CD2AP: variants seen among roughly 807,000 people sequenced by gnomAD.
CD2AP encodes the protein CD2 associated protein.
CD2AP carries 46 observed loss-of-function variants against 85.1 expected under a neutral mutation model. The ratio of observed to expected loss-of-function variants is 0.54; its 90% CI spans 0.43 to 0.69. The LOEUF (loss-of-function observed/expected upper bound fraction) is 0.69, where lower values mean the gene tolerates loss of function less well. Ranked by LOEUF, CD2AP falls within the 30% of genes least tolerant of loss-of-function variation. The pLI is 0.00. For synonymous variants in CD2AP, 255 were observed against 252.9 expected, an observed-to-expected ratio of 1.01 and a Z score of -0.08; for missense variants, 769 against 729.5, an observed-to-expected ratio of 1.05 and a Z score of -0.62.
chr6:47,579,705 A>G, intron 9 of CD2AP: 1 of 506,450 alleles, frequency 2.0e-6, no homozygotes, highest in South Asian at 2.4e-5. Flanking sequence ...CTGTACTGAA[A>G]AATAACCTTA....
intron 2 of CD2AP, among the ~76,000 whole-genome samples, chr6:47,529,186 C>T (rs1203527368): frequency 1.3e-3 from 3 of 2,276 alleles, no homozygotes; most frequent in Admixed American, 4.9e-3. Context: ...TAGTACTGCC[C>T]CCCCCCCCCC....
At chr6:47,554,810 A>G (rs756960248) in intron 5 of CD2AP, 44 bp downstream of exon 5, 2 of 1,498,078 alleles carry the variant, frequency 1.3e-6, no homozygotes, top group African/African-American at 1.4e-5. Flanking sequence ...AATAAACTTT[A>G]TATAGCATCT....
chr6:47,487,749 A>G (rs1399175016), intron 1 of CD2AP, among the ~76,000 whole-genome samples: 1 of 152,212 alleles, frequency 6.6e-6, no homozygotes, highest in Non-Finnish European at 1.5e-5. Flanking sequence ...CTTAGTGTGT[A>G]AATGACCTTA....
Position 47,588,204 on chromosome 6 carries a change from T to C in CD2AP, c.1108+6139T>C, listed in dbSNP as rs138729205. Among the ~76,000 whole-genome samples, 918 of 152,244 alleles carry C rather than the reference T, an allele frequency of 6.0e-3. 2 individuals are homozygous for C. Among genetic ancestry groups the C allele is most frequent in the Non-Finnish European group, 0.011 (734 of 67,968 alleles). On this transcript the variant is annotated intron_variant, in intron 11 of 17. Transcript: ENST00000359314. ...TTTGCTTCCTTGACAGTATTTTCCT[T>C]ACCTACACTATTTAAAAGTAGGTAT...
At chr6:47,614,089 A>C (rs1036302052) in intron 17 of CD2AP, among the ~76,000 whole-genome samples, 1 of 152,194 alleles carries the variant, frequency 6.6e-6, no homozygotes, top group Non-Finnish European at 1.5e-5. Flanking sequence ...AGTTGGTTAG[A>C]TCTGCTATCT....
intron 5 of CD2AP, among the ~76,000 whole-genome samples, chr6:47,572,431 T>C (rs1768183109): frequency 6.6e-6 from 1 of 152,246 alleles, no homozygotes; most frequent in South Asian, 2.1e-4. Context: ...GTTAAAAATA[T>C]ATTACAAAAC....
At chr6:47,621,093 G>A (rs1582634144) in intron 17 of CD2AP, among the ~76,000 whole-genome samples, 1 of 152,230 alleles carries the variant, frequency 6.6e-6, no homozygotes, top group East Asian at 1.9e-4. Flanking sequence ...GAAGAGGAGT[G>A]GTGAGAGCAG....
At chr6:47,578,707 G>T (rs1431978177) in intron 8 of CD2AP, among the ~76,000 whole-genome samples, 1 of 150,458 alleles carries the variant, frequency 6.6e-6, no homozygotes, top group Non-Finnish European at 1.5e-5. Flanking sequence ...AGGCTGGAGT[G>T]CAGTGGTGGT....
intron 1 of CD2AP, among the ~76,000 whole-genome samples, chr6:47,486,313 C>T (rs1458634239): frequency 6.6e-6 from 1 of 152,130 alleles, no homozygotes; most frequent in Non-Finnish European, 1.5e-5. Context: ...TTCTGCCTCT[C>T]CCTCCCTCCA....
intron 17 of CD2AP, among the ~76,000 whole-genome samples, chr6:47,615,668 C>T (rs542818873): frequency 3.3e-5 from 5 of 152,140 alleles, no homozygotes; most frequent in African/African-American, 7.2e-5. Flanking sequence ...CCTGGCCCCA[C>T]CTCCAACACT....
Position 47,529,401 on chromosome 6 carries a change from A to G in CD2AP, c.166-4201A>G, listed in dbSNP as rs908223787. ...TTCCTCCCACATCCCCAAGATGCGT[A>G]CTTGAGGTTCATTGGTGTATCTACA... On this transcript the variant is annotated intron_variant, in intron 2 of 17. Transcript: ENST00000359314. Among the ~76,000 whole-genome samples, 5 of 152,034 alleles carry G rather than the reference A, an allele frequency of 3.3e-5. No individual in the cohort carries two copies. In the South Asian group the frequency reaches 6.2e-4, roughly 19 times the overall value.
At position 47,609,285 on chromosome 6, in the gene CD2AP, G is replaced by A. The variant is rs763973953; in HGVS notation, c.1795G>A (p.Ala599Thr). Residue 599 changes from alanine to threonine, a missense_variant, in exon 16 of 18, where the codon GCA becomes ACA. Coordinates refer to ENST00000359314, the MANE Select transcript of CD2AP (RefSeq NM_012120.3). ...TATTGAATTGTTGTGCATTGTAGAA[G>A]CACTGAAAAAGGATCACGGGTAAGT... Reference protein sequence around the residue: ...QIIELLCIVEALKKDHGKELE... With the variant: ...QIIELLCIVETLKKDHGKELE... The A allele has an allele frequency of 1.9e-6, 3 of 1,613,282 alleles. No homozygotes were observed. The highest frequency in any genetic ancestry group is 3.3e-5 in the Admixed American group (2 of 59,972).
intron 11 of CD2AP, chr6:47,582,406 T>C (rs920979685): frequency 1.0e-5 from 2 of 192,072 alleles, no homozygotes; most frequent in Non-Finnish European, 2.2e-5. Flanking sequence ...CAGTTCCTAC[T>C]TAAGCATGAA....
intron 2 of CD2AP, among the ~76,000 whole-genome samples, chr6:47,511,408 A>G (rs896974596): frequency 6.6e-6 from 1 of 152,246 alleles, no homozygotes; most frequent in African/African-American, 2.4e-5. Flanking sequence ...AAGGAGACAT[A>G]ATAACCAAAT....
At chr6:47,514,045 G>A (rs1766389572) in intron 2 of CD2AP, among the ~76,000 whole-genome samples, 1 of 151,946 alleles carries the variant, frequency 6.6e-6, no homozygotes, top group Non-Finnish European at 1.5e-5. Flanking sequence ...TTGAGTTCTT[G>A]TTCATATTCT....
In CD2AP at chr6:47,608,139, A is replaced by G. The variant is rs145095901; in HGVS notation, c.1632+111A>G. The G allele has an allele frequency of 1.2e-3, 946 of 780,722 alleles. 5 individuals are homozygous for G. In the African/African-American group the frequency reaches 0.013, roughly 11 times the overall value. 48.4% of individuals were successfully genotyped at this position (780,722 alleles called of 1,614,324 possible). A position where few individuals can be genotyped will look rare whatever the true frequency, so the allele number is the denominator to read the frequency against. ...GACGAATTATTTTTTCTGCCAAGAA[A>G]TGAAATAATTGCTGCTAAAAAATTG... On this transcript the variant is annotated intron_variant, in intron 15 of 17. Coordinates refer to ENST00000359314, the MANE Select transcript of CD2AP (RefSeq NM_012120.3).
chr6:47,524,360 T>C (rs1391791660), intron 2 of CD2AP, among the ~76,000 whole-genome samples: 2 of 152,146 alleles, frequency 1.3e-5, no homozygotes, highest in African/African-American at 4.8e-5. Flanking sequence ...CTAGCATCCT[T>C]GAGAAAGAAT....
chr6:47,603,940 CTATT>C (rs767106979), intron 13 of CD2AP, among the ~76,000 whole-genome samples: 34 of 151,924 alleles, frequency 2.2e-4, no homozygotes, highest in African/African-American at 5.6e-4. Flanking sequence ...GTCTGTCTGT[CTATT>C]TATTCTAACC....
chr6:47,604,642 A>G (rs1046982654), intron 13 of CD2AP, among the ~76,000 whole-genome samples: 3 of 152,084 alleles, frequency 2.0e-5, no homozygotes, highest in African/African-American at 7.2e-5. Context: ...AAATTACGAC[A>G]TATTTTAACA....
Sources: allele counts gnomAD v4.1 joint callset (sites outside exome capture counted in the v4.1 genomes callset), GRCh38; gene constraint gnomAD v4.1.1; transcripts MANE v1.5; gene names NCBI Gene and HGNC (gene_info 2026-07-23, HGNC 2026-07-21).